SNTB1: variants seen among roughly 807,000 people sequenced by gnomAD.
The protein encoded by SNTB1 is beta-1-syntrophin.
SNTB1 carries 36 observed loss-of-function variants against 48.9 expected under a neutral mutation model. The observed-to-expected ratio is 0.74, with a 90% confidence interval of 0.56 to 0.97. The LOEUF is 0.97. SNTB1 is among the 50% of genes least tolerant of loss of function. The pLI is 0.00. For missense variants in SNTB1, 786 were observed against 703.4 expected (o/e 1.12, Z -1.33); for synonymous variants, 299 against 294.6 (o/e 1.01, Z -0.15).
At chr8:120,728,246 T>A (rs58776872) in intron 1 of SNTB1, among the ~76,000 whole-genome samples, 9,885 of 152,160 alleles carry the variant, frequency 0.065, 1,066 homozygotes, top group African/African-American at 0.22. Flanking sequence ...TGCCCGCCTC[T>A]GCTTTCCAAA....
At chr8:120,540,446 T>G (rs1366384034) in intron 6 of SNTB1, among the ~76,000 whole-genome samples, 1 of 152,192 alleles carries the variant, frequency 6.6e-6, no homozygotes, top group East Asian at 1.9e-4. Context: ...ATTTTCCTCA[T>G]GGGCAAAAAT....
intron 1 of SNTB1, among the ~76,000 whole-genome samples, chr8:120,733,353 C>T (rs540015801): frequency 9.5e-4 from 145 of 152,330 alleles, no homozygotes; most frequent in African/African-American, 3.2e-3. Flanking sequence ...TGGTGGTCCA[C>T]GCATAGGCGT....
intron 1 of SNTB1, among the ~76,000 whole-genome samples, chr8:120,720,177 C>T (rs1468775259): frequency 6.6e-6 from 1 of 152,188 alleles, no homozygotes; most frequent in African/African-American, 2.4e-5. Flanking sequence ...TTCCCATATG[C>T]ACTTTGGGGC....
intron 2 of SNTB1, among the ~76,000 whole-genome samples, chr8:120,684,470 CT>C (rs1817993507): frequency 6.6e-6 from 1 of 152,010 alleles, no homozygotes; most frequent in South Asian, 2.1e-4. Flanking sequence ...GTAAGTGAGA[CT>C]CAAAGATATG....
rs554003593 is a variant in SNTB1 at position 120,784,577 on chromosome 8, A to G, written c.571+26696T>C. 9.8e-5 allele frequency among the ~76,000 whole-genome samples: 15 copies of G among 152,300 alleles called. No individual in the cohort carries two copies. The South Asian group carries it at 2.9e-3, about 29-fold the overall frequency. On this transcript the variant is annotated intron_variant, in intron 1 of 6. Transcript: ENST00000517992. ...AGGAGAGACACCTGACCCGAGCCAC[A>G]CTAATCAGATCCCTTCTCTCTCCAG...
intron 4 of SNTB1, among the ~76,000 whole-genome samples, chr8:120,549,414 A>T (rs1815441586): frequency 6.6e-6 from 1 of 152,096 alleles, no homozygotes; most frequent in African/African-American, 2.4e-5. Flanking sequence ...TGGGTATGGA[A>T]TTTTTCATGC....
In SNTB1 at chr8:120,537,166, C is replaced by CA. The variant is rs901896117; in HGVS notation, c.*1710dup. The CA allele has an allele frequency of 3.4e-5, 5 of 147,356 alleles. No homozygotes were observed. Among genetic ancestry groups the CA allele is most frequent in the Non-Finnish European group, 6.0e-5 (4 of 66,760 alleles). The allele number at this position is 147,356 out of a possible 1,614,324, so 9.1% of individuals were successfully genotyped here. Reference sequence around the variant, plus strand: ...AAAAAAAAAAAACAAATAACAACAACAAAAAAACCCACTAGCTTCACAAGA... The same window carrying CA: ...AAAAAAAAAAAACAAATAACAACAACAAAAAAAACCCACTAGCTTCACAAGA... On this transcript the variant is annotated 3_prime_UTR_variant, in exon 7 of 7. Coordinates refer to ENST00000517992, the MANE Select transcript of SNTB1 (RefSeq NM_021021.4).
At chr8:120,807,951 A>G (rs911789676) in intron 1 of SNTB1, among the ~76,000 whole-genome samples, 2 of 152,004 alleles carry the variant, frequency 1.3e-5, no homozygotes, top group African/African-American at 4.8e-5. Context: ...GTCTTGCTCT[A>G]TCGCCCAGGC....
chr8:120,738,643 T>G (rs1818992146), intron 1 of SNTB1, among the ~76,000 whole-genome samples: 1 of 151,522 alleles, frequency 6.6e-6, no homozygotes, highest in African/African-American at 2.4e-5. Context: ...TAGCACTATC[T>G]TCTACAGCTG....
intron 4 of SNTB1, among the ~76,000 whole-genome samples, chr8:120,565,796 C>T (rs1305994586): frequency 6.6e-6 from 1 of 152,090 alleles, no homozygotes; most frequent in East Asian, 1.9e-4. Context: ...CGTCTGTGTC[C>T]CCCCAAAATT....
chr8:120,635,917 C>A (rs1034140809), intron 2 of SNTB1: 6 of 453,870 alleles, frequency 1.3e-5, no homozygotes, highest in Non-Finnish European at 2.5e-5. Flanking sequence ...TCTTTATTTC[C>A]TTTTTGCTAA....
chr8:120,567,416 C>CTTT lies in SNTB1; in HGVS notation c.1136+7667_1136+7669dup, dbSNP rs10699484. On this transcript the variant is annotated intron_variant, in intron 4 of 6. Coordinates refer to ENST00000517992, the MANE Select transcript of SNTB1 (RefSeq NM_021021.4). Reference sequence around the variant, plus strand: ...ACTACTTCATTACAGGGTTGAGCTCCTTTTTTTTTTTTTTTTTTAAAGAGA... The same window carrying CTTT: ...ACTACTTCATTACAGGGTTGAGCTCCTTTTTTTTTTTTTTTTTTTTTAAAGAGA... Among the ~76,000 whole-genome samples, 113 of 134,678 alleles carry CTTT rather than the reference C, an allele frequency of 8.4e-4. 1 individual carries two copies. Among genetic ancestry groups the CTTT allele is most frequent in the African/African-American group, 2.7e-3 (98 of 36,060 alleles). The allele number at this position is 134,678 out of a possible 152,430, so 88.4% of individuals were successfully genotyped here. A position where few individuals can be genotyped will look rare whatever the true frequency, so the allele number is the denominator to read the frequency against.
intron 5 of SNTB1, among the ~76,000 whole-genome samples, chr8:120,546,322 A>G (rs1034809968): frequency 1.3e-5 from 2 of 152,228 alleles, no homozygotes; most frequent in African/African-American, 4.8e-5. Flanking sequence ...CAATAACATT[A>G]CAGACATTGT....
intron 1 of SNTB1, among the ~76,000 whole-genome samples, chr8:120,737,658 G>C (rs1033205948): frequency 6.6e-6 from 1 of 152,072 alleles, no homozygotes; most frequent in African/African-American, 2.4e-5. Context: ...GGCAAACCTG[G>C]GGCCAGCCAT....
intron 4 of SNTB1, among the ~76,000 whole-genome samples, chr8:120,559,751 G>A (rs973513790): frequency 6.6e-6 from 1 of 152,174 alleles, no homozygotes; most frequent in Non-Finnish European, 1.5e-5. Context: ...TGCATAAAAT[G>A]TTCCATACAA....
Position 120,811,338 on chromosome 8 carries a change from C to T in SNTB1, c.506G>A (p.Arg169Gln). ...CACCGCCTCGTCGTGGGTGGCGTCC[C>T]GCAGGTCGGCTCCGTTCACGGACAG... ...AILSVNGADL[R>Q]DATHDEAVQA... The change falls in exon 1 of 7, where the codon CGG becomes CAG. Residue 169 changes from arginine to glutamine, a missense_variant. Coordinates refer to ENST00000517992, the MANE Select transcript of SNTB1 (RefSeq NM_021021.4). The T allele has an allele frequency of 6.2e-7, 1 of 1,612,530 alleles. No individual in the cohort carries two copies. The highest frequency in any genetic ancestry group is 8.5e-7 in the Non-Finnish European group (1 of 1,179,804).
At chr8:120,632,782 A>C in intron 2 of SNTB1, 131 bp from the exon 3 acceptor site, 1 of 723,388 alleles carries the variant, frequency 1.4e-6, no homozygotes, top group South Asian at 1.8e-5. Context: ...GGGATGCCTT[A>C]ACAGTCCCGC....
chr8:120,622,413 C>T (rs1816808462), intron 3 of SNTB1, among the ~76,000 whole-genome samples: 1 of 152,108 alleles, frequency 6.6e-6, no homozygotes, highest in Non-Finnish European at 1.5e-5. Flanking sequence ...AAAATACCAA[C>T]TTGAGAGAGT....
intron 3 of SNTB1, among the ~76,000 whole-genome samples, chr8:120,581,122 C>T (rs1390400620): frequency 1.4e-5 from 2 of 146,394 alleles, no homozygotes; most frequent in East Asian, 2.0e-4. Flanking sequence ...AAGAAAAAGA[C>T]ATCTAGGACA....
Sources: allele counts gnomAD v4.1 joint callset (sites outside exome capture counted in the v4.1 genomes callset), GRCh38; gene constraint gnomAD v4.1.1; transcripts MANE v1.5; gene names NCBI Gene and HGNC (gene_info 2026-07-23, HGNC 2026-07-21).